ALDH18A1: variants seen among roughly 807,000 people sequenced by gnomAD.
The protein encoded by ALDH18A1 is delta-1-pyrroline-5-carboxylate synthase.
Under a neutral mutation model 88.8 loss-of-function variants are expected in ALDH18A1, and 44 were observed. The observed-to-expected ratio is 0.50, with a 90% CI of 0.39 to 0.64. ALDH18A1 has a LOEUF of 0.64. Ranked by LOEUF, ALDH18A1 falls within the 30% of genes least tolerant of loss-of-function variation. The probability of loss-of-function intolerance (pLI) is 0.00; values close to 1 mark genes in which losing one functional copy is unlikely to be tolerated. For missense variants in ALDH18A1, 782 were observed against 1,009.5 expected (o/e 0.77, Z 3.05); for synonymous variants, 331 against 372.1 (o/e 0.89, Z 1.27).
At chr10:95,608,810 T>C (rs942711325) in intron 17 of ALDH18A1, among the ~76,000 whole-genome samples, 6 of 152,052 alleles carry the variant, frequency 3.9e-5, no homozygotes, top group Admixed American at 6.6e-5. Flanking sequence ...CTAAAATGTT[T>C]TGAGTGGTTG....
At position 95,614,174 on chromosome 10, in the gene ALDH18A1, A is replaced by G; in HGVS notation, c.1606-13T>C. The G allele has an allele frequency of 1.9e-6, 3 of 1,613,442 alleles. No homozygotes were observed. The highest frequency in any genetic ancestry group is 2.5e-6 in the Non-Finnish European group (3 of 1,179,696). ...CTCTGGTATTCACCTTTAGAAGGAA[A>G]GAAGAAAAAGATAAAGATGACATCT... On this transcript the variant is annotated splice_polypyrimidine_tract_variant and intron_variant, in intron 13 of 17. Transcript: ENST00000371224.
chr10:95,614,238 A>C, intron 13 of ALDH18A1, 77 bp from the exon 14 acceptor site: 1 of 1,448,440 alleles, frequency 6.9e-7, no homozygotes, highest in Non-Finnish European at 9.6e-7. Flanking sequence ...TCCCTTTTAC[A>C]GATAAACATC....
intron 2 of ALDH18A1, among the ~76,000 whole-genome samples, chr10:95,644,017 C>A (rs555625744): frequency 2.0e-5 from 3 of 152,114 alleles, no homozygotes; most frequent in Admixed American, 6.6e-5. Flanking sequence ...GTGGTGGGCA[C>A]CTATAATCCC....
intron 2 of ALDH18A1, among the ~76,000 whole-genome samples, chr10:95,645,005 T>C (rs577649109): frequency 4.3e-4 from 66 of 152,322 alleles, no homozygotes; most frequent in African/African-American, 1.6e-3. Flanking sequence ...TCTATCCTGT[T>C]TGAGCCATGA....
chr10:95,628,883 A>G (rs1458638417), intron 7 of ALDH18A1: 1 of 302,928 alleles, frequency 3.3e-6, no homozygotes, highest in Non-Finnish European at 6.4e-6. Context: ...CATAGCAGCC[A>G]TATACTGTTT....
rs188894273 is a variant in ALDH18A1 at position 95,614,214 on chromosome 10, T to C, written c.1606-53A>G. 2.8e-4 allele frequency: 437 copies of C among 1,562,752 alleles called. 6 individuals are homozygous for C. Among genetic ancestry groups the C allele is most frequent in the Middle Eastern group, 1.4e-3 (8 of 5,864 alleles). ...AGATGACATCTGACCACACAAAATA[T>C]AAAAACAGCAGCTTCCCTTTTACAG... is the stretch of plus-strand genomic sequence containing the variant. On this transcript the variant is annotated intron_variant, in intron 13 of 17. Transcript: ENST00000371224.
intron 3 of ALDH18A1, among the ~76,000 whole-genome samples, chr10:95,642,106 G>A (rs918427731): frequency 6.6e-6 from 1 of 152,228 alleles, no homozygotes; most frequent in Non-Finnish European, 1.5e-5. Context: ...TTACAAGGTA[G>A]TGTAAGATTT....
At chr10:95,640,350 CT>C (rs34630368) in intron 3 of ALDH18A1, among the ~76,000 whole-genome samples, 25 of 146,748 alleles carry the variant, frequency 1.7e-4, no homozygotes, top group Admixed American at 2.1e-4. Flanking sequence ...TCCCTTTTTT[CT>C]TTTTTTTTTT....
intron 5 of ALDH18A1, among the ~76,000 whole-genome samples, chr10:95,634,083 A>G (rs1423668698): frequency 6.6e-6 from 1 of 152,094 alleles, no homozygotes; most frequent in African/African-American, 2.4e-5. Flanking sequence ...CCTGGCCCCA[A>G]TTTTTGTAGA....
At chr10:95,633,812 C>G (rs199813763) in intron 5 of ALDH18A1, among the ~76,000 whole-genome samples, 163 bp from the exon 6 acceptor site, 1 of 103,274 alleles carries the variant, frequency 9.7e-6, no homozygotes, top group African/African-American at 3.8e-5. Flanking sequence ...CTATCCAATT[C>G]TTTTTTTTTT....
At chr10:95,630,641 G>A (rs956384961) in intron 7 of ALDH18A1, among the ~76,000 whole-genome samples, 13 of 152,134 alleles carry the variant, frequency 8.5e-5, no homozygotes, top group African/African-American at 3.1e-4. Flanking sequence ...AACCCAGGAG[G>A]CGGAGGTTGC....
chr10:95,635,888 T>A (rs2097879744), intron 5 of ALDH18A1, among the ~76,000 whole-genome samples: 2 of 152,174 alleles, frequency 1.3e-5, no homozygotes, highest in Non-Finnish European at 2.9e-5. Context: ...CTCACCTGGC[T>A]CCAGGCACTT....
At chr10:95,611,235 G>A (rs368334474) in intron 16 of ALDH18A1, 21 bp downstream of exon 16, 44 of 1,613,114 alleles carry the variant, frequency 2.7e-5, no homozygotes, top group African/African-American at 1.2e-4. Flanking sequence ...CACTGTATGC[G>A]GGAAGCATCT....
chr10:95,626,803 T>C, intron 9 of ALDH18A1, 27 bp from the exon 10 acceptor site: 1 of 1,612,618 alleles, frequency 6.2e-7, no homozygotes, highest in Non-Finnish European at 8.5e-7. Flanking sequence ...AAATATCAGG[T>C]CATGGTCACC....
At chr10:95,630,790 A>G (rs2097867866) in intron 7 of ALDH18A1, among the ~76,000 whole-genome samples, 1 of 152,134 alleles carries the variant, frequency 6.6e-6, no homozygotes, top group Non-Finnish European at 1.5e-5. Context: ...GCTCACACTT[A>G]CCCCAACTTA....
At chr10:95,621,467 G>A (rs2097852515) in intron 11 of ALDH18A1, among the ~76,000 whole-genome samples, 1 of 151,864 alleles carries the variant, frequency 6.6e-6, no homozygotes, top group Admixed American at 6.6e-5. Flanking sequence ...CTACAGGCAT[G>A]CACCACCAGG....
rs766601424 is a variant in ALDH18A1, at chr10:95,621,320, CTTTT to C, written c.1247-73_1247-70del. ...AGGCTACAGCTACCAACCGATGTGT[CTTTT>C]TTTTTTTTTTTTTGAGACAGGGTCT... On this transcript the variant is annotated intron_variant, in intron 11 of 17. Coordinates refer to ENST00000371224, the MANE Select transcript of ALDH18A1 (RefSeq NM_002860.4). 0.047 allele frequency: 45,561 copies of C among 961,784 alleles called. 313 individuals are homozygous for C. The highest frequency in any genetic ancestry group is 0.056 in the Non-Finnish European group (37,430 of 663,386). 59.6% of individuals were successfully genotyped at this position (961,784 alleles called of 1,614,324 possible).
Position 95,606,748 on chromosome 10 carries a change from T to C in ALDH18A1, c.*14A>G. On this transcript the variant is annotated 3_prime_UTR_variant, in exon 18 of 18. Transcript: ENST00000371224. ...AAGACCTTTTGGAAAATTCCCGGGTTTTCCTGGCTCTTTTCAGTTGGTGTT... is the reference window on the plus strand; with the variant it reads ...AAGACCTTTTGGAAAATTCCCGGGTCTTCCTGGCTCTTTTCAGTTGGTGTT... 1.2e-6 allele frequency: 2 copies of C among 1,614,130 alleles called. No homozygotes were observed. The highest frequency in any genetic ancestry group is 1.7e-6 in the Non-Finnish European group (2 of 1,179,988).
intron 3 of ALDH18A1, 75 bp downstream of exon 3, chr10:95,642,917 C>T (rs919705663): frequency 7.1e-7 from 1 of 1,417,398 alleles, no homozygotes. Context: ...AGTTGATGAG[C>T]AACTTAAACC....
Sources: gnomAD v4.1 joint callset for allele counts (sites outside exome capture counted in the v4.1 genomes callset) on GRCh38, gnomAD v4.1.1 for gene constraint, MANE v1.5 for transcripts, NCBI Gene and HGNC (gene_info 2026-07-23, HGNC 2026-07-21) for gene names.